Variants in KANK1 observed in about 807,000 individuals in gnomAD.
KANK1 encodes the protein KN motif and ankyrin repeat domains 1.
In KANK1, 109 loss-of-function variants were observed where a neutral mutation model predicts 106.2. The observed-to-expected ratio is 1.03, with a 90% confidence interval of 0.88 to 1.20. The LOEUF is 1.20. Among genes scored for constraint, KANK1 ranks in the 50% most tolerant of loss-of-function variants. KANK1 has a pLI of 0.00. For synonymous variants in KANK1, 873 were observed against 652.2 expected, an observed-to-expected ratio of 1.34 and a Z score of -5.16; for missense variants, 2,399 against 1,710.7, an observed-to-expected ratio of 1.40 and a Z score of -7.10.
chr9:565,827 G>A (rs1191197635), intron 1 of KANK1, among the ~76,000 whole-genome samples: 1 of 152,192 alleles, frequency 6.6e-6, no homozygotes, highest in Admixed American at 6.5e-5. Flanking sequence ...GTGACTTCCA[G>A]AACAATGGCT....
Position 711,319 on chromosome 9 carries a change from G to A in KANK1, c.553G>A (p.Ala185Thr). 2 of 1,614,184 alleles carry A rather than the reference G, an allele frequency of 1.2e-6. No individual in the cohort carries two copies. The highest frequency in any genetic ancestry group is 4.5e-5 in the East Asian group (2 of 44,874). Residue 185 changes from alanine (A) to threonine (T), a missense_variant, in exon 3 of 12, where the codon GCC (alanine) becomes ACC (threonine). Coordinates refer to ENST00000382297, the MANE Select transcript of KANK1 (RefSeq NM_015158.5). ...GGGTGAGTTCAGAAGGCCCAGGCTG[G>A]CCAGTTTTGGAGGCATGGGCACCAC... is the stretch of plus-strand genomic sequence containing the variant. ...TPGEFRRPRL[A>T]SFGGMGTTSS... is the part of the protein sequence containing the mutation.
intron 3 of KANK1, among the ~76,000 whole-genome samples, chr9:485,886 AG>A (rs2058285570): frequency 6.7e-6 from 1 of 148,534 alleles, no homozygotes; most frequent in Non-Finnish European, 1.5e-5. Flanking sequence ...AAAAAAAAAA[AG>A]AAAAGAAAAA....
chr9:664,846 T>C (rs1844206614), intron 1 of KANK1, among the ~76,000 whole-genome samples: 1 of 152,214 alleles, frequency 6.6e-6, no homozygotes, highest in African/African-American at 2.4e-5. Flanking sequence ...TTATTCCCTG[T>C]CTTTTTTGAT....
chr9:576,772 C>T (rs531139463), intron 1 of KANK1, among the ~76,000 whole-genome samples: 2 of 150,336 alleles, frequency 1.3e-5, no homozygotes, highest in African/African-American at 2.4e-5. Context: ...TTTTTTTTTG[C>T]AAACCATGAC....
In KANK1 at chr9:732,414, T is replaced by C; in HGVS notation, c.3042T>C (p.Asp1014=). 6.2e-7 allele frequency: 1 copy of C among 1,614,062 alleles called. No individual in the cohort carries two copies. Among genetic ancestry groups the C allele is most frequent in the South Asian group, 1.1e-5 (1 of 91,074 alleles). Residue 1014 remains aspartate (D), a synonymous_variant, in exon 6 of 12, where the codon GAT becomes GAC. Transcript: ENST00000382297. The part of the protein sequence containing the change: ...ETTSSDDSSS[D]ESSSSESDDE... ...CTTCAAGTGATGATTCCAGCTCAGA[T>C]GAAAGCTCTTCTTCCGAGTCAGATG... is the stretch of plus-strand genomic sequence containing the variant.
At chr9:698,973 G>T (rs142872201) in intron 2 of KANK1, among the ~76,000 whole-genome samples, 110 of 152,220 alleles carry the variant, frequency 7.2e-4, no homozygotes, top group African/African-American at 2.6e-3. Context: ...TGGAATTAGG[G>T]CTCTGTCTGT....
At chr9:658,063 A>C (rs995619686) in intron 1 of KANK1, among the ~76,000 whole-genome samples, 7 of 152,030 alleles carry the variant, frequency 4.6e-5, no homozygotes, top group Admixed American at 2.0e-4. Context: ...ACAGTGGAAA[A>C]AATACATGTA....
At chr9:701,753 C>G (rs1470160493) in intron 2 of KANK1, among the ~76,000 whole-genome samples, 1 of 152,172 alleles carries the variant, frequency 6.6e-6, no homozygotes, top group African/African-American at 2.4e-5. Flanking sequence ...TAGTACTCGA[C>G]TAGTTTCCTG....
At chr9:650,214 C>G (rs146494263) in intron 1 of KANK1, among the ~76,000 whole-genome samples, 117 of 152,198 alleles carry the variant, frequency 7.7e-4, no homozygotes, top group African/African-American at 2.8e-3. Context: ...ATAAATCTAC[C>G]TTTCTCTGTT....
At chr9:605,380 A>G (rs1450930933) in intron 1 of KANK1, among the ~76,000 whole-genome samples, 3 of 151,616 alleles carry the variant, frequency 2.0e-5, no homozygotes, top group African/African-American at 7.3e-5. Context: ...TTGCTTAGCC[A>G]TATGTTAAGC....
chr9:586,503 T>C (rs1823504307), intron 1 of KANK1, among the ~76,000 whole-genome samples: 1 of 152,150 alleles, frequency 6.6e-6, no homozygotes, highest in African/African-American at 2.4e-5. Flanking sequence ...TGGTGGTGAC[T>C]GTTAGTGGAA....
At chr9:549,264 C>G (rs954209829) in intron 1 of KANK1, 1 of 152,556 alleles carries the variant, frequency 6.6e-6, no homozygotes, top group Admixed American at 6.5e-5. Flanking sequence ...CGCTGACTTC[C>G]TGTAGTGGAT....
intron 8 of KANK1, among the ~76,000 whole-genome samples, chr9:739,137 T>TG (rs2132104884): frequency 6.6e-6 from 1 of 152,286 alleles, no homozygotes; most frequent in South Asian, 2.1e-4. Flanking sequence ...ATCTTAGACA[T>TG]GAAGTGAGGG....
At chr9:611,617 A>G (rs983562159) in intron 1 of KANK1, among the ~76,000 whole-genome samples, 10 of 152,184 alleles carry the variant, frequency 6.6e-5, no homozygotes, top group Non-Finnish European at 1.3e-4. Flanking sequence ...AACCTTTGAC[A>G]CTAATTATCT....
rs536941076 is a variant in KANK1, at chr9:605,985, A to G, written c.-83-70905A>G. Among the ~76,000 whole-genome samples, 313 of 151,756 alleles carry G rather than the reference A, an allele frequency of 2.1e-3. 8 individuals carry two copies. Among genetic ancestry groups the G allele is most frequent in the African/African-American group, 7.2e-3 (296 of 41,092 alleles). On this transcript the variant is annotated intron_variant, in intron 1 of 11. Coordinates refer to ENST00000382297, the MANE Select transcript of KANK1 (RefSeq NM_015158.5). ...TTCCCATTAGAATAGGTGGTGATTA[A>G]ACAAGCTATGCCACACCCTAAATTC...
At chr9:578,604 T>C (rs1209455393) in intron 1 of KANK1, among the ~76,000 whole-genome samples, 1 of 152,096 alleles carries the variant, frequency 6.6e-6, no homozygotes, top group South Asian at 2.1e-4. Context: ...TTTTAAAAAA[T>C]AAATATGTAA....
chr9:732,873 C>G (rs10429639), intron 6 of KANK1: 1 of 313,314 alleles, frequency 3.2e-6, no homozygotes, highest in Non-Finnish European at 5.9e-6. Context: ...ACATATGGAA[C>G]CACAATCCAC....
intron 1 of KANK1, among the ~76,000 whole-genome samples, chr9:544,423 G>T (rs908273709): frequency 3.9e-5 from 6 of 152,116 alleles, no homozygotes; most frequent in Non-Finnish European, 8.8e-5. Context: ...GTGCAGAGAG[G>T]GGCATTCTGT....
chr9:648,924 A>C (rs1476991118), intron 1 of KANK1, among the ~76,000 whole-genome samples: 1 of 152,186 alleles, frequency 6.6e-6, no homozygotes, highest in African/African-American at 2.4e-5. Context: ...CTTGCATGTC[A>C]ATTGCAGTTC....
Sources: allele counts gnomAD v4.1 joint callset (sites outside exome capture counted in the v4.1 genomes callset), GRCh38; gene constraint gnomAD v4.1.1; transcripts MANE v1.5; gene names NCBI Gene and HGNC (gene_info 2026-07-23, HGNC 2026-07-21).